Variants in PDE11A observed in about 807,000 individuals in gnomAD.
PDE11A encodes the protein dual 3',5'-cyclic-AMP and -GMP phosphodiesterase 11A.
A neutral mutation model predicts 100.5 loss-of-function variants in PDE11A; 100 were observed. The ratio of observed to expected loss-of-function variants is 1.00; its 90% CI spans 0.85 to 1.18. PDE11A has a LOEUF of 1.18. Among genes scored for constraint, PDE11A ranks in the 50% most tolerant of loss-of-function variants. The probability of loss-of-function intolerance (pLI) is 0.00; values close to 1 mark genes in which losing one functional copy is unlikely to be tolerated. For missense variants in PDE11A, 1,141 were observed against 1,152.6 expected (o/e 0.99, Z 0.15); for synonymous variants, 381 against 420.8 (o/e 0.91, Z 1.16).
intron 13 of PDE11A, among the ~76,000 whole-genome samples, chr2:177,706,067 T>C (rs754271111): frequency 6.6e-6 from 1 of 152,182 alleles, no homozygotes; most frequent in African/African-American, 2.4e-5. Flanking sequence ...TACCTATTGA[T>C]CATTCATTGT....
intron 15 of PDE11A, among the ~76,000 whole-genome samples, chr2:177,682,332 C>A (rs1316425975): frequency 4.6e-5 from 7 of 152,222 alleles, no homozygotes; most frequent in Admixed American, 1.3e-4. Flanking sequence ...ACATATAAAA[C>A]CAAGCTGTAG....
intron 9 of PDE11A, among the ~76,000 whole-genome samples, chr2:177,808,025 T>C (rs1574162880): frequency 6.6e-6 from 1 of 152,152 alleles, no homozygotes; most frequent in Non-Finnish European, 1.5e-5. Flanking sequence ...GAAAATACTT[T>C]AAGGAAATGG....
chr2:177,960,749 G>A (rs2105789398), intron 2 of PDE11A, among the ~76,000 whole-genome samples: 1 of 152,288 alleles, frequency 6.6e-6, no homozygotes. Context: ...GCTATTTAGA[G>A]AAAATAGGTC....
rs375260516 is a variant in PDE11A at position 177,896,834 on chromosome 2, G to GTGAGTGTGCA, written c.1302+1223_1302+1224insTGCACACTCA. ...ATAAGTATGGCCTATTGGAGTGTGT[G>GTGAGTGTGCA]TGTGTGTGCATGTTCTCCCAAGGTT... is the stretch of plus-strand genomic sequence containing the variant. On this transcript the variant is annotated intron_variant, in intron 4 of 19. Coordinates refer to ENST00000286063, the MANE Select transcript of PDE11A (RefSeq NM_016953.4). Among the ~76,000 whole-genome samples the GTGAGTGTGCA allele has an allele frequency of 4.4e-3, 666 of 152,286 alleles. 2 individuals are homozygous for GTGAGTGTGCA. Among genetic ancestry groups the GTGAGTGTGCA allele is most frequent in the African/African-American group, 0.015 (641 of 41,548 alleles).
At chr2:177,828,579 C>T (rs2083262695) in intron 6 of PDE11A, among the ~76,000 whole-genome samples, 1 of 152,174 alleles carries the variant, frequency 6.6e-6, no homozygotes, top group Non-Finnish European at 1.5e-5. Flanking sequence ...TCAGGCCTTA[C>T]TGTCAGGTAA....
intron 10 of PDE11A, among the ~76,000 whole-genome samples, chr2:177,730,732 G>A (rs1361274657): frequency 1.3e-5 from 2 of 152,082 alleles, no homozygotes; most frequent in African/African-American, 4.8e-5. Context: ...CTGAGGATGT[G>A]AATGACAATT....
chr2:177,781,897 G>C (rs2082459984), intron 9 of PDE11A, among the ~76,000 whole-genome samples: 1 of 152,162 alleles, frequency 6.6e-6, no homozygotes, highest in South Asian at 2.1e-4. Flanking sequence ...AGTGGTTTGA[G>C]TGGGCCCTCA....
intron 2 of PDE11A, among the ~76,000 whole-genome samples, chr2:177,978,942 G>T (rs1219679796): frequency 1.6e-5 from 2 of 124,446 alleles, no homozygotes; most frequent in Non-Finnish European, 3.5e-5. Context: ...CGGGGGGAGG[G>T]GGGAGGGATA....
chr2:177,862,437 A>G (rs1262100351), intron 5 of PDE11A, among the ~76,000 whole-genome samples: 1 of 151,890 alleles, frequency 6.6e-6, no homozygotes, highest in Non-Finnish European at 1.5e-5. Flanking sequence ...ATAATTCTGG[A>G]ATCTCCTAAG....
rs527738199 is a variant in PDE11A, at chr2:177,774,896, A to C, written c.1738-5523T>G. ...AGGAACTGAGGTTGCAGATGGAATT[A>C]AGATTGCTAATCTTGTCACCTTGAG... On this transcript the variant is annotated intron_variant, in intron 9 of 19. Coordinates refer to ENST00000286063, the MANE Select transcript of PDE11A (RefSeq NM_016953.4). Among the ~76,000 whole-genome samples, 6 of 152,344 alleles carry C rather than the reference A, an allele frequency of 3.9e-5. No individual in the cohort carries two copies. The South Asian group carries it at 1.2e-3, about 32-fold the overall frequency.
chr2:177,905,044 C>T, intron 3 of PDE11A, 54 bp downstream of exon 3: 1 of 939,688 alleles, frequency 1.1e-6, no homozygotes, highest in Non-Finnish European at 1.8e-6. Context: ...TAATGACTTA[C>T]AGAAACCAGA....
intron 3 of PDE11A, among the ~76,000 whole-genome samples, chr2:177,903,567 C>A (rs2084731720): frequency 6.6e-6 from 1 of 152,126 alleles, no homozygotes; most frequent in Non-Finnish European, 1.5e-5. Flanking sequence ...AAAGATTAAT[C>A]ATATATGAAG....
intron 1 of PDE11A, among the ~76,000 whole-genome samples, chr2:178,033,146 C>T (rs146324314): frequency 5.9e-4 from 90 of 152,166 alleles, no homozygotes; most frequent in African/African-American, 2.1e-3. Flanking sequence ...AAGCTAAGAA[C>T]CTTGATAAAA....
chr2:178,071,556 T>C lies in PDE11A; in HGVS notation c.882A>G (p.Gly294=). The C allele has an allele frequency of 3.7e-6, 6 of 1,613,080 alleles. No homozygotes were observed. Among genetic ancestry groups the C allele is most frequent in the Non-Finnish European group, 5.1e-6 (6 of 1,179,006 alleles). ...AGGCATCAGGAATGTTGACCGTTTC[T>C]CCATGCTCCCCGACATAGCCAATGA... ...KGIIGYVGEH[G]ETVNIPDAYQ... is the part of the protein sequence containing the mutation. Residue 294 remains glycine, a synonymous_variant, in exon 1 of 20, where the codon GGA becomes GGG. Transcript: ENST00000286063.
At chr2:177,811,496 A>C (rs2082948227) in intron 9 of PDE11A, among the ~76,000 whole-genome samples, 1 of 97,872 alleles carries the variant, frequency 1.0e-5, no homozygotes, top group African/African-American at 5.6e-5. Context: ...TCAATTGTTA[A>C]ACAAAATCCA....
At chr2:177,772,028 T>A (rs1435275761) in intron 9 of PDE11A, among the ~76,000 whole-genome samples, 3 of 151,776 alleles carry the variant, frequency 2.0e-5, no homozygotes, top group South Asian at 2.1e-4. Flanking sequence ...AATAAATAAA[T>A]AAAAATAATG....
intron 9 of PDE11A, among the ~76,000 whole-genome samples, chr2:177,790,524 C>A (rs1295510462): frequency 6.6e-6 from 1 of 151,966 alleles, no homozygotes; most frequent in African/African-American, 2.4e-5. Flanking sequence ...GCAACAAAAG[C>A]CAAAATTGAC....
chr2:177,637,499 T>A (rs1420382989), intron 19 of PDE11A, among the ~76,000 whole-genome samples: 1 of 152,096 alleles, frequency 6.6e-6, no homozygotes, highest in Non-Finnish European at 1.5e-5. Flanking sequence ...TCAAAGATCC[T>A]GTTCTGGATT....
At chr2:177,873,051 G>A (rs1410051682) in intron 5 of PDE11A, among the ~76,000 whole-genome samples, 1 of 152,112 alleles carries the variant, frequency 6.6e-6, no homozygotes, top group Non-Finnish European at 1.5e-5. Flanking sequence ...CTTTCTTTCT[G>A]TCTTTTATTA....
Sources: gnomAD v4.1 joint callset for allele counts (sites outside exome capture counted in the v4.1 genomes callset) on GRCh38, gnomAD v4.1.1 for gene constraint, MANE v1.5 for transcripts, NCBI Gene and HGNC (gene_info 2026-07-23, HGNC 2026-07-21) for gene names.